The following PLEKHH2 variants were observed in gnomAD, a reference collection of about 807,000 sequenced individuals.
PLEKHH2 encodes pleckstrin homology, MyTH4 and FERM domain containing H2.
A neutral mutation model predicts 187.9 loss-of-function variants in PLEKHH2; 129 were observed. That is an observed-to-expected ratio of 0.69 (90% CI 0.59 to 0.79). The LOEUF (loss-of-function observed/expected upper bound fraction) is 0.79, where lower values mean the gene tolerates loss of function less well. Ranked by LOEUF, PLEKHH2 falls within the 30% of genes least tolerant of loss-of-function variation. The pLI is 0.00. For synonymous variants in PLEKHH2, 686 were observed against 605.6 expected (o/e 1.13, Z -1.95); for missense variants, 2,076 against 1,751.2 (o/e 1.19, Z -3.31).
chr2:43,679,680 G>A (rs1182568700), intron 3 of PLEKHH2: 1 of 192,632 alleles, frequency 5.2e-6, no homozygotes, highest in African/African-American at 2.4e-5. Flanking sequence ...ATTGTTAGTA[G>A]AGATGGGGTT....
chr2:43,760,281 C>T (rs1361026493), intron 27 of PLEKHH2, among the ~76,000 whole-genome samples: 3 of 151,728 alleles, frequency 2.0e-5, no homozygotes, highest in South Asian at 4.2e-4. Flanking sequence ...TTATAACAAG[C>T]GACACCTCCT....
chr2:43,704,857 A>G (rs1669576906), intron 9 of PLEKHH2, among the ~76,000 whole-genome samples: 1 of 152,046 alleles, frequency 6.6e-6, no homozygotes, highest in African/African-American at 2.4e-5. Context: ...GCTGATTTGT[A>G]TTTTAAAATT....
In PLEKHH2 at chr2:43,754,193, C is replaced by CAAA. The variant is rs1412004714; in HGVS notation, c.3795+434_3795+435insAAA. On this transcript the variant is annotated intron_variant, in intron 25 of 29. Coordinates refer to ENST00000282406, the MANE Select transcript of PLEKHH2 (RefSeq NM_172069.4). ...ACACACACACACACACACACACACA[C>CAAA]ACACACACACACAAAATTAATACTG... Among the ~76,000 whole-genome samples the CAAA allele has an allele frequency of 6.5e-5, 8 of 123,772 alleles. 1 individual carries two copies. The highest frequency in any genetic ancestry group is 2.2e-4 in the African/African-American group (6 of 27,754). The allele number at this position is 123,772 out of a possible 152,430, so 81.2% of individuals were successfully genotyped here. A position where few individuals can be genotyped will look rare whatever the true frequency, so the allele number is the denominator to read the frequency against.
chr2:43,710,660 G>A, intron 14 of PLEKHH2, 85 bp downstream of exon 14: 1 of 1,490,254 alleles, frequency 6.7e-7, no homozygotes, highest in East Asian at 2.5e-5. Flanking sequence ...AAAGGAGATA[G>A]GATAATTCAG....
At position 43,767,562 on chromosome 2, in the gene PLEKHH2, A is replaced by G. The variant is rs1370950073; in HGVS notation, c.*1964A>G. ...CTCAGAAGCCTTTTGGCTGGGTTACAGAAGAGTTTCTAAGTTCCTAGAGAG... is the reference window on the plus strand; with the variant it reads ...CTCAGAAGCCTTTTGGCTGGGTTACGGAAGAGTTTCTAAGTTCCTAGAGAG... On this transcript the variant is annotated 3_prime_UTR_variant, in exon 30 of 30. Coordinates refer to ENST00000282406, the MANE Select transcript of PLEKHH2 (RefSeq NM_172069.4). The G allele has an allele frequency of 6.6e-6, 1 of 152,394 alleles. No homozygotes were observed. The highest frequency in any genetic ancestry group is 1.9e-4 in the East Asian group (1 of 5,340). The allele number at this position is 152,394 out of a possible 1,614,324, so 9.4% of individuals were successfully genotyped here. A position where few individuals can be genotyped will look rare whatever the true frequency, so the allele number is the denominator to read the frequency against.
intron 9 of PLEKHH2, 60 bp downstream of exon 9, chr2:43,704,116 G>C: frequency 8.5e-7 from 1 of 1,179,280 alleles, no homozygotes; most frequent in Non-Finnish European, 1.2e-6. Flanking sequence ...CTAAGGGATA[G>C]TATAATACAA....
chr2:43,689,708 C>T (rs1285419075), intron 3 of PLEKHH2, among the ~76,000 whole-genome samples: 1 of 152,110 alleles, frequency 6.6e-6, no homozygotes, highest in East Asian at 1.9e-4. Flanking sequence ...GCCCCTTTTG[C>T]CAATATTTTT....
At position 43,757,334 on chromosome 2, in the gene PLEKHH2, A is replaced by G. The variant is rs900307541; in HGVS notation, c.3941+70A>G. The G allele has an allele frequency of 2.7e-4, 334 of 1,230,410 alleles. 1 individual carries two copies. The highest frequency in any genetic ancestry group is 2.4e-4 in the Admixed American group (8 of 33,040). 76.2% of individuals were successfully genotyped at this position (1,230,410 alleles called of 1,614,324 possible). A position where few individuals can be genotyped will look rare whatever the true frequency, so the allele number is the denominator to read the frequency against. ...TTTTTTGGTAATATTTTTGTGTTCA[A>G]ATTTTAAAGGTGAAAAACATTTGGA... On this transcript the variant is annotated intron_variant, in intron 26 of 29. Coordinates refer to ENST00000282406, the MANE Select transcript of PLEKHH2 (RefSeq NM_172069.4).
Position 43,647,325 on chromosome 2 carries a change from T to C in PLEKHH2, c.123+2529T>C, listed in dbSNP as rs1666229139. Among the ~76,000 whole-genome samples, 3 of 152,246 alleles carry C rather than the reference T, an allele frequency of 2.0e-5. 1 individual carries two copies. The highest frequency in any genetic ancestry group is 2.0e-4 in the Admixed American group (3 of 15,282). ...ATTTACAGAAGAGGAAACTTAGGCA[T>C]AGAAAAGTTATTTAACTTGACTGAG... On this transcript the variant is annotated intron_variant, in intron 2 of 29. Transcript: ENST00000282406.
chr2:43,728,527 C>A (rs1265573674), intron 17 of PLEKHH2, among the ~76,000 whole-genome samples: 1 of 146,970 alleles, frequency 6.8e-6, no homozygotes. Context: ...TAAATGTAGC[C>A]AAAAATTTAT....
chr2:43,731,985 T>A (rs1671062109), intron 19 of PLEKHH2, among the ~76,000 whole-genome samples: 1 of 152,148 alleles, frequency 6.6e-6, no homozygotes, highest in Non-Finnish European at 1.5e-5. Flanking sequence ...CTATTAGAAA[T>A]CCCTAATCAC....
chr2:43,751,208 G>A (rs375413849), intron 24 of PLEKHH2, among the ~76,000 whole-genome samples: 11 of 152,332 alleles, frequency 7.2e-5, no homozygotes, highest in Middle Eastern at 3.4e-3. Context: ...TGAGTATGAC[G>A]CATACGTACA....
Position 43,710,583 on chromosome 2 carries a change from A to AATT in PLEKHH2, c.2301+8_2301+9insATT. Reference sequence around the variant, plus strand: ...AACAAACAAACAGTTCAGGTACTTAACTTTTTTTTTTTTTTTTTTTTTTTT... The same window carrying AATT: ...AACAAACAAACAGTTCAGGTACTTAAATTCTTTTTTTTTTTTTTTTTTTTTTTT... On this transcript the variant is annotated intron_variant, in intron 14 of 29. Transcript: ENST00000282406. 7.1e-7 allele frequency: 1 copy of AATT among 1,411,086 alleles called. No individual in the cohort carries two copies. Among genetic ancestry groups the AATT allele is most frequent in the Non-Finnish European group, 9.3e-7 (1 of 1,077,818 alleles). 87.4% of individuals were successfully genotyped at this position (1,411,086 alleles called of 1,614,324 possible). A position where few individuals can be genotyped will look rare whatever the true frequency, so the allele number is the denominator to read the frequency against.
In PLEKHH2 at chr2:43,765,709, A is replaced by G. The variant is rs1672598422; in HGVS notation, c.*111A>G. 2 of 978,014 alleles carry G rather than the reference A, an allele frequency of 2.0e-6. No individual in the cohort carries two copies. 60.6% of individuals were successfully genotyped at this position (978,014 alleles called of 1,614,324 possible). A position where few individuals can be genotyped will look rare whatever the true frequency, so the allele number is the denominator to read the frequency against. ...CGGCAGCCACACACCGGTATTCCAA[A>G]CCTTAACAATGAAGGGGGTTAGTCT... On this transcript the variant is annotated 3_prime_UTR_variant, in exon 30 of 30. Coordinates refer to ENST00000282406, the MANE Select transcript of PLEKHH2 (RefSeq NM_172069.4).
chr2:43,695,282 C>CT (rs1669032174), intron 6 of PLEKHH2, 58 bp downstream of exon 6: 2 of 948,636 alleles, frequency 2.1e-6, no homozygotes, highest in Non-Finnish European at 3.0e-6. Context: ...TAGGCTTTTA[C>CT]TTTTTTTGAT....
In PLEKHH2 at chr2:43,648,295, T is replaced by A. The variant is rs146616007; in HGVS notation, c.123+3499T>A. The stretch of plus-strand genomic sequence containing the variant: ...CCTCCGCCTCCCAGGTTCAAGCGAT[T>A]CTTCTGCCTCAGCCTAATGAGTAGC... On this transcript the variant is annotated intron_variant, in intron 2 of 29. Coordinates refer to ENST00000282406, the MANE Select transcript of PLEKHH2 (RefSeq NM_172069.4). Among the ~76,000 whole-genome samples, 872 of 151,986 alleles carry A rather than the reference T, an allele frequency of 5.7e-3. 6 individuals are homozygous for A. The highest frequency in any genetic ancestry group is 0.019 in the African/African-American group (799 of 41,426).
In PLEKHH2 at chr2:43,765,516, C is replaced by T. The variant is rs759700617; in HGVS notation, c.4400C>T (p.Thr1467Ile). The T allele has an allele frequency of 9.3e-6, 15 of 1,614,142 alleles. No individual in the cohort carries two copies. In the South Asian group the frequency reaches 1.6e-4, roughly 18 times the overall value. ...GCTCCAGCACTGCTCTCAGCCCAGA[C>T]CCGGGGACCCCAAGCCAGAATGATG... The part of the protein sequence containing the change: ...LSAPALLSAQ[T>I]RGPQARMMGS... The change falls in exon 30 of 30, where the codon ACC becomes ATC. Residue 1467 changes from threonine to isoleucine, a missense_variant. Thr to Ile is a moderately conservative substitution (Grantham distance 89). Transcript: ENST00000282406.
intron 2 of PLEKHH2, among the ~76,000 whole-genome samples, chr2:43,665,807 C>T (rs1191981556): frequency 1.5e-5 from 2 of 135,626 alleles, no homozygotes; most frequent in Non-Finnish European, 1.6e-5. Flanking sequence ...GTCAGGGACC[C>T]ACTTGAGGAG....
At chr2:43,747,175 T>A (rs1287689411) in intron 24 of PLEKHH2, among the ~76,000 whole-genome samples, 1 of 151,466 alleles carries the variant, frequency 6.6e-6, no homozygotes, top group Non-Finnish European at 1.5e-5. Context: ...ATCACTTAGC[T>A]GGATGCTATA....
Sources: allele counts gnomAD v4.1 joint callset (sites outside exome capture counted in the v4.1 genomes callset), GRCh38; gene constraint gnomAD v4.1.1; transcripts MANE v1.5; gene names NCBI Gene and HGNC (gene_info 2026-07-23, HGNC 2026-07-21).